Variants in EML5 observed in about 807,000 individuals in gnomAD.
EML5 encodes echinoderm microtubule-associated protein-like 5.
Under a neutral mutation model 250.0 loss-of-function variants are expected in EML5, and 120 were observed. The ratio of observed to expected loss-of-function variants is 0.48; its 90% CI spans 0.41 to 0.56. EML5 has a LOEUF of 0.56. Ranked by LOEUF, EML5 falls within the 20% of genes least tolerant of loss-of-function variation. The probability of loss-of-function intolerance (pLI) is 0.00; values close to 1 mark genes in which losing one functional copy is unlikely to be tolerated. For synonymous variants in EML5, 771 were observed against 806.5 expected (o/e 0.96, Z 0.75); for missense variants, 2,006 against 2,437.6 (o/e 0.82, Z 3.73).
chr14:88,656,808 T>C (rs898517449), intron 27 of EML5, among the ~76,000 whole-genome samples: 20 of 152,192 alleles, frequency 1.3e-4, no homozygotes, highest in African/African-American at 4.8e-4. Context: ...TGAATCACAA[T>C]ACTGCTCACA....
intron 37 of EML5, chr14:88,621,931 T>C (rs1029347095): frequency 2.2e-6 from 1 of 455,392 alleles, no homozygotes; most frequent in African/African-American, 2.0e-5. Context: ...ACGTGATTCT[T>C]AACTATAGTC....
Position 88,792,366 on chromosome 14 carries a change from C to T in EML5, c.138G>A (p.Val46=), listed in dbSNP as rs751345650. 6.4e-7 allele frequency: 1 copy of T among 1,565,718 alleles called. No individual in the cohort carries two copies. The highest frequency in any genetic ancestry group is 8.6e-7 in the Non-Finnish European group (1 of 1,156,778). ...IVYFVAGVGV[V]YSPREHRQKF... ...TCTGCCTGTGCTCCCGCGGGCTGTA[C>T]ACCACGCCGACCCCCGCCACGAAGT... The change falls in exon 1 of 44, where the codon GTG becomes GTA. Residue 46 remains valine, a synonymous_variant. Transcript: ENST00000554922. The surrounding 1 kb of genome is among the most constrained non-coding windows in gnomAD (Gnocchi z 6.9).
At chr14:88,784,921 G>C (rs905946766) in intron 1 of EML5, among the ~76,000 whole-genome samples, 1 of 152,176 alleles carries the variant, frequency 6.6e-6, no homozygotes, top group Admixed American at 6.5e-5. Context: ...GTTCACAATA[G>C]CTAAGATTCG....
In EML5 at chr14:88,620,109, T is replaced by TA. The variant is rs2088618639; in HGVS notation, c.5375+644dup. 6.6e-6 allele frequency: 1 copy of TA among 152,362 alleles called. No homozygotes were observed. Among genetic ancestry groups the TA allele is most frequent in the African/African-American group, 2.4e-5 (1 of 41,594 alleles). 9.4% of individuals were successfully genotyped at this position (152,362 alleles called of 1,614,324 possible). On this transcript the variant is annotated intron_variant, in intron 39 of 43. Transcript: ENST00000554922. This position sits in a 1 kb window ranked among gnomAD's most constrained non-coding sequence, Gnocchi z 4.3. ...TGTAAAAGCTAAGGGAAGCCACTGT[T>TA]ACTATTTTATATATTGAAGTTCTGA...
At chr14:88,691,770 T>C (rs2092964061) in intron 17 of EML5, among the ~76,000 whole-genome samples, 2 of 152,180 alleles carry the variant, frequency 1.3e-5, no homozygotes, top group African/African-American at 2.4e-5. Flanking sequence ...TGGATACTTA[T>C]TTCCCAAGTG....
intron 1 of EML5, among the ~76,000 whole-genome samples, chr14:88,786,755 C>A (rs373189120): frequency 1.3e-5 from 2 of 152,096 alleles, no homozygotes; most frequent in African/African-American, 4.8e-5. Flanking sequence ...CTCGTGCTGC[C>A]GCCATGTAAG....
Position 88,704,846 on chromosome 14 carries a change from T to C in EML5, c.2051+14A>G, listed in dbSNP as rs777368846. ...AAAATTCAAACAAATAAATGAAAGA[T>C]AGTTGTTTTATACCCGTGAACAAAG... On this transcript the variant is annotated intron_variant, in intron 13 of 43. Transcript: ENST00000554922. The C allele has an allele frequency of 3.8e-6, 6 of 1,589,094 alleles. No homozygotes were observed. The highest frequency in any genetic ancestry group is 4.5e-5 in the East Asian group (2 of 44,648).
At position 88,687,234 on chromosome 14, in the gene EML5, A is replaced by G. The variant is rs766903616; in HGVS notation, c.2836T>C (p.Leu946=). ...LKTYAIKRAA[L]APGSKGLLLE... ...AAATCACCTTTAGATCCTGGGGCCA[A>G]TGCAGCTCTTTTTATAGCATAGGTC... Residue 946 remains leucine, a synonymous_variant, in exon 19 of 44, where the codon TTG becomes CTG. Transcript: ENST00000554922. 1.9e-6 allele frequency: 3 copies of G among 1,610,138 alleles called. No homozygotes were observed. The highest frequency in any genetic ancestry group is 1.7e-6 in the Non-Finnish European group (2 of 1,178,384).
In EML5 at chr14:88,648,388, C is replaced by CT. The variant is rs534540213; in HGVS notation, c.4020-1434dup. On this transcript the variant is annotated intron_variant, in intron 28 of 43. Transcript: ENST00000554922. ...TATTTTTTTGAGACAGGGTCTTGCT[C>CT]TGTCACCCAAGCTAGAGTGCAGTGG... 6.6e-5 allele frequency among the ~76,000 whole-genome samples: 10 copies of CT among 152,182 alleles called. No homozygotes were observed. In the South Asian group the frequency reaches 1.9e-3, roughly 28 times the overall value.
At position 88,746,189 on chromosome 14, in the gene EML5, T is replaced by C. The variant is rs753257176; in HGVS notation, c.452A>G (p.Asp151Gly). The change falls in exon 3 of 44, where the codon GAT becomes GGT. Residue 151 changes from aspartate (D) to glycine (G), a missense_variant. Asp to Gly is a moderately conservative substitution (Grantham distance 94). Around this residue, in one of 7 missense-constraint regions of EML5, gnomAD observed 162 missense variants for 212.2 expected, o/e 0.76. Coordinates refer to ENST00000554922, the MANE Select transcript of EML5 (RefSeq NM_183387.3). The part of the protein sequence containing the change: ...KMLSMAPGHT[D>G]RIFDISWDLY... The stretch of plus-strand genomic sequence containing the variant: ...ATCTCAAAAGAGAATACTTACTCTA[T>C]CTGTATGACCAGGAGCCATAGACAA... The C allele has an allele frequency of 6.2e-7, 1 of 1,611,288 alleles. No homozygotes were observed. Among genetic ancestry groups the C allele is most frequent in the Non-Finnish European group, 8.5e-7 (1 of 1,178,002 alleles).
intron 13 of EML5, among the ~76,000 whole-genome samples, chr14:88,704,277 C>T (rs1397280474): frequency 6.6e-6 from 1 of 152,132 alleles, no homozygotes; most frequent in Non-Finnish European, 1.5e-5. Flanking sequence ...TCCTTGCTCT[C>T]TCTCTTGCTA....
In EML5 at chr14:88,626,875, G is replaced by A. The variant is rs1488741070; in HGVS notation, c.4703C>T (p.Ala1568Val). The change falls in exon 35 of 44, where the codon GCC becomes GTC. Residue 1568 changes from alanine to valine, a missense_variant. Ala to Val is a moderately conservative substitution (Grantham distance 64). Around this residue, in one of 7 missense-constraint regions of EML5, gnomAD observed 405 missense variants for 523.3 expected, o/e 0.77. Coordinates refer to ENST00000554922, the MANE Select transcript of EML5 (RefSeq NM_183387.3). Reference sequence around the variant, plus strand: ...AATAGCGAGCATGGTCTGCATCCGGGCATCTTCCAGTGTGCTCAGTAGCCC... The same window carrying A: ...AATAGCGAGCATGGTCTGCATCCGGACATCTTCCAGTGTGCTCAGTAGCCC... ...KKGLLSTLED[A>V]RMQTMLAIAF... 1 of 1,613,926 alleles carries A rather than the reference G, an allele frequency of 6.2e-7. No individual in the cohort carries two copies. Among genetic ancestry groups the A allele is most frequent in the African/African-American group, 1.3e-5 (1 of 75,026 alleles).
chr14:88,622,921 G>T, intron 36 of EML5: 1 of 398,148 alleles, frequency 2.5e-6, no homozygotes, highest in Non-Finnish European at 4.4e-6. Flanking sequence ...CAGTTTCAGT[G>T]AATTTTATTT....
intron 27 of EML5, among the ~76,000 whole-genome samples, chr14:88,651,154 C>CTT (rs869045980): frequency 2.9e-4 from 27 of 93,154 alleles, no homozygotes; most frequent in African/African-American, 4.9e-4. Flanking sequence ...TTGTCATTTT[C>CTT]TTTTTTTTTT....
intron 1 of EML5, among the ~76,000 whole-genome samples, chr14:88,771,105 A>T (rs1034210249): frequency 2.0e-5 from 3 of 152,240 alleles, no homozygotes; most frequent in African/African-American, 7.2e-5. Context: ...ACATGCAAAT[A>T]TATCAATGTT....
At position 88,682,009 on chromosome 14, in the gene EML5, C is replaced by T; in HGVS notation, c.3005G>A (p.Trp1002Ter). The T allele has an allele frequency of 6.2e-7, 1 of 1,606,530 alleles. No individual in the cohort carries two copies. The highest frequency in any genetic ancestry group is 8.5e-7 in the Non-Finnish European group (1 of 1,177,490). Residue 1002 changes from tryptophan (W) to a stop codon, truncating the protein, a stop_gained, in exon 21 of 44, where the codon TGG becomes TAG. Transcript: ENST00000554922. LOFTEE classifies it high-confidence loss of function. The stretch of plus-strand genomic sequence containing the variant: ...CAGATAAGGGTGTGTAGCTAAACCC[C>T]ACACCTCTCCTTCCATGTGTCCCTA... ...LVQGHMEGEV[W>*]GLATHPYLPI... is the part of the protein sequence containing the mutation.
intron 34 of EML5, 198 bp from the exon 35 acceptor site, chr14:88,627,244 A>T (rs1468774256): frequency 1.7e-6 from 1 of 592,966 alleles, no homozygotes; most frequent in East Asian, 2.8e-5. Context: ...CGCTCCATTA[A>T]CTTTTCTTTA....
chr14:88,740,554 T>G lies in EML5; in HGVS notation c.544A>C (p.Asn182His). ...ACACCTCGTTTTGGGGTCAGAGCAT[T>G]TCCACATAAACTCCAGAACTAAAAG... is the stretch of plus-strand genomic sequence containing the variant. ...KHIKFWSLCG[N>H]ALTPKRGVFG... Residue 182 changes from asparagine to histidine, a missense_variant, in exon 5 of 44, where the codon AAT becomes CAT. By Grantham distance (68) the Asn-to-His change is moderately conservative (BLOSUM62 1). Transcript: ENST00000554922. 3 of 1,609,296 alleles carry G rather than the reference T, an allele frequency of 1.9e-6. No individual in the cohort carries two copies. The highest frequency in any genetic ancestry group is 2.5e-6 in the Non-Finnish European group (3 of 1,178,238).
intron 10 of EML5, among the ~76,000 whole-genome samples, chr14:88,710,694 G>A (rs1430735920): frequency 6.6e-6 from 1 of 152,036 alleles, no homozygotes; most frequent in Non-Finnish European, 1.5e-5. Context: ...TGACTCACAA[G>A]TGCCTAGAAA....
Sources: gnomAD v4.1 joint callset for allele counts (sites outside exome capture counted in the v4.1 genomes callset) on GRCh38, gnomAD v4.1.1 for gene constraint, gnomAD v4.1.1 regional missense constraint, Gnocchi (gnomAD v3.1) non-coding constraint, MANE v1.5 for transcripts, NCBI Gene and HGNC (gene_info 2026-07-23, HGNC 2026-07-21) for gene names.